The following RBM45 variants were observed in gnomAD, a reference collection of about 807,000 sequenced individuals.
The protein encoded by RBM45 is RNA binding motif protein 45.
Under a neutral mutation model 58.5 loss-of-function variants are expected in RBM45, and 39 were observed. That is an observed-to-expected ratio of 0.67 (90% CI 0.52 to 0.87). The LOEUF is 0.87. RBM45 is among the 40% of genes least tolerant of loss of function. The pLI, the probability that RBM45 is intolerant of heterozygous loss-of-function variation, is 0.00. For missense variants in RBM45, 481 were observed against 581.6 expected (o/e 0.83, Z 1.78); for synonymous variants, 193 against 203.0 (o/e 0.95, Z 0.42).
At chr2:178,133,058 A>G (rs113698186), downstream of RBM45, among the ~76,000 whole-genome samples, 177 of 152,294 alleles carry the variant, frequency 1.2e-3, no homozygotes, top group African/African-American at 3.9e-3. Flanking sequence ...GAGATTTCAT[A>G]TGTTGGACCT....
intron 3 of RBM45, among the ~76,000 whole-genome samples, chr2:178,118,922 T>G (rs2087813604): frequency 6.6e-6 from 1 of 152,202 alleles, no homozygotes; most frequent in African/African-American, 2.4e-5. Context: ...AATTTCTCAT[T>G]TAGCTAGCAG....
Position 178,126,140 on chromosome 2 carries a change from A to G in RBM45, c.1389A>G (p.Pro463=). The change falls in exon 9 of 10, where the codon CCA becomes CCG. Residue 463 remains proline (P), a synonymous_variant. Coordinates refer to ENST00000286070, the MANE Select transcript of RBM45 (RefSeq NM_152945.4). The part of the protein sequence containing the change: ...VRLKVMLADS[P]REESNKRQRT... Reference sequence around the variant, plus strand: ...TTAAAGTTATGCTGGCAGATTCGCCAAGAGAAGAATCTAACAAACGGCAAA... The same window carrying G: ...TTAAAGTTATGCTGGCAGATTCGCCGAGAGAAGAATCTAACAAACGGCAAA... 1 of 1,614,090 alleles carries G rather than the reference A, an allele frequency of 6.2e-7. No homozygotes were observed. The highest frequency in any genetic ancestry group is 8.5e-7 in the Non-Finnish European group (1 of 1,179,974).
At position 178,116,389 on chromosome 2, in the gene RBM45, T is replaced by C. The variant is rs925877386; in HGVS notation, c.423+5T>C. 1 of 1,601,858 alleles carries C rather than the reference T, an allele frequency of 6.2e-7. No individual in the cohort carries two copies. The highest frequency in any genetic ancestry group is 8.5e-7 in the Non-Finnish European group (1 of 1,176,220). ...GATCTGCGGGAAAAATTTAAGGTAT[T>C]TATTCTAATCAGCTAGCATATGTGA... On this transcript the variant is annotated splice_donor_5th_base_variant and intron_variant, in intron 2 of 9. Transcript: ENST00000286070.
At chr2:178,123,442 A>C in intron 5 of RBM45, 80 bp from the exon 6 acceptor site, 1 of 1,423,490 alleles carries the variant, frequency 7.0e-7, no homozygotes, top group Non-Finnish European at 9.4e-7. Flanking sequence ...ACATGGTTTC[A>C]TTTTTGTGAT....
In RBM45 at chr2:178,124,209, C is replaced by A; in HGVS notation, c.1151C>A (p.Ala384Asp). 1 of 1,610,554 alleles carries A rather than the reference C, an allele frequency of 6.2e-7. No individual in the cohort carries two copies. The highest frequency in any genetic ancestry group is 2.2e-5 in the East Asian group (1 of 44,826). Reference sequence around the variant, plus strand: ...CCATCATGCAAAAAAAAAGCTCCTGCTGAAACTCCTGTGAAAGAAAGACTT... The same window carrying A: ...CCATCATGCAAAAAAAAAGCTCCTGATGAAACTCCTGTGAAAGAAAGACTT... Reference protein sequence around the residue: ...VLPSCKKKAPAETPVKERLFI... With the variant: ...VLPSCKKKAPDETPVKERLFI... Residue 384 changes from alanine (A) to aspartate (D), a missense_variant, in exon 8 of 10, where the codon GCT (alanine) becomes GAT (aspartate). By Grantham distance (126) the Ala-to-Asp change is moderately radical. Coordinates refer to ENST00000286070, the MANE Select transcript of RBM45 (RefSeq NM_152945.4).
intron 9 of RBM45, among the ~76,000 whole-genome samples, chr2:178,127,431 A>G (rs1283763896): frequency 6.6e-6 from 1 of 152,216 alleles, no homozygotes; most frequent in African/African-American, 2.4e-5. Flanking sequence ...GCTAGCACGT[A>G]TGAGAATGAT....
Position 178,125,989 on chromosome 2 carries a change from T to C in RBM45, c.1238T>C (p.Phe413Ser), listed in dbSNP as rs2087924013. 1.2e-6 allele frequency: 2 copies of C among 1,611,770 alleles called. No homozygotes were observed. Among genetic ancestry groups the C allele is most frequent in the Admixed American group, 1.7e-5 (1 of 59,638 alleles). The stretch of plus-strand genomic sequence containing the variant: ...TTTTTTTCACTTTGTTTCAGTCGTT[T>C]TGGTAACCTGATCGAAGTTTACCTT... ...LDVLEDIFCR[F>S]GNLIEVYLVS... The change falls in exon 9 of 10, where the codon TTT becomes TCT. Residue 413 changes from phenylalanine to serine, a missense_variant. Phe to Ser is a radical substitution (Grantham distance 155, BLOSUM62 -2). Transcript: ENST00000286070.
intron 9 of RBM45, among the ~76,000 whole-genome samples, chr2:178,126,470 T>A (rs1177967902): frequency 1.3e-5 from 2 of 151,924 alleles, no homozygotes; most frequent in Non-Finnish European, 2.9e-5. Flanking sequence ...ATATAAACTT[T>A]TAAGTTGTCC....
chr2:178,113,152 TC>T (rs746398263), intron 1 of RBM45, among the ~76,000 whole-genome samples: 1 of 152,206 alleles, frequency 6.6e-6, no homozygotes, highest in Non-Finnish European at 1.5e-5. Context: ...CCCTCACTAA[TC>T]CACCAGCTCT....
At position 178,112,485 on chromosome 2, in the gene RBM45, C is replaced by T. The variant is rs1225176247; in HGVS notation, c.-62C>T. The T allele has an allele frequency of 2.1e-6, 3 of 1,462,722 alleles. No homozygotes were observed. Among genetic ancestry groups the T allele is most frequent in the Non-Finnish European group, 1.9e-6 (2 of 1,062,956 alleles). The allele number at this position is 1,462,722 out of a possible 1,614,324, so 90.6% of individuals were successfully genotyped here. A position where few individuals can be genotyped will look rare whatever the true frequency, so the allele number is the denominator to read the frequency against. On this transcript the variant is annotated 5_prime_UTR_variant, in exon 1 of 10. Transcript: ENST00000286070. ...CGGCAAAGGCTTGGGTGTGAGACAG[C>T]AGCGGTGGCAGACACCGCAGAAGCA...
chr2:178,130,244 G>T (rs931658646), downstream of RBM45, among the ~76,000 whole-genome samples: 1 of 152,160 alleles, frequency 6.6e-6, no homozygotes, highest in African/African-American at 2.4e-5. Flanking sequence ...AGGGCCAGGG[G>T]TGGTTGCTCA....
In RBM45 at chr2:178,112,725, AG is replaced by A; in HGVS notation, c.180del (p.Lys60AsnfsTer67). The A allele has an allele frequency of 6.2e-7, 1 of 1,614,180 alleles. No homozygotes were observed. The highest frequency in any genetic ancestry group is 8.5e-7 in the Non-Finnish European group (1 of 1,180,036). On this transcript the variant is annotated frameshift_variant, in exon 1 of 10. Coordinates refer to ENST00000286070, the MANE Select transcript of RBM45 (RefSeq NM_152945.4). LOFTEE classifies it high-confidence loss of function. ...DIQDIWVVRD[K>X]HTKESKGIAF... ...CAGGACATCTGGGTGGTGCGGGACA[AG>A]CACACCAAGGAGTCCAAGGGCATTG...
chr2:178,125,237 A>G (rs1029387185), intron 8 of RBM45, among the ~76,000 whole-genome samples: 9 of 152,230 alleles, frequency 5.9e-5, no homozygotes, highest in Non-Finnish European at 1.2e-4. Context: ...GCTAAGTACA[A>G]GAGACATGTA....
chr2:178,115,829 A>G (rs2087765931), intron 1 of RBM45, among the ~76,000 whole-genome samples: 1 of 152,204 alleles, frequency 6.6e-6, no homozygotes, highest in African/African-American at 2.4e-5. Flanking sequence ...GGAAAAACAC[A>G]ATGCAGAGAT....
chr2:178,125,963 A>ATT (rs751153281), intron 8 of RBM45, 21 bp from the exon 9 acceptor site: 32 of 1,605,312 alleles, frequency 2.0e-5, no homozygotes, highest in Non-Finnish European at 9.4e-6. Context: ...TTGGTTGATT[A>ATT]TTTTTTTCAC....
At chr2:178,114,844 G>C (rs190120256) in intron 1 of RBM45, among the ~76,000 whole-genome samples, 1 of 151,998 alleles carries the variant, frequency 6.6e-6, no homozygotes, top group Non-Finnish European at 1.5e-5. Flanking sequence ...TGAGCCTCCC[G>C]TTTCATCCTC....
intron 1 of RBM45, 148 bp from the exon 2 acceptor site, chr2:178,116,114 T>G: frequency 1.1e-6 from 1 of 949,212 alleles, no homozygotes. Flanking sequence ...ATCACACCAC[T>G]GCACTGCAGC....
chr2:178,132,090 C>A (rs2088010533), downstream of RBM45, among the ~76,000 whole-genome samples: 1 of 152,068 alleles, frequency 6.6e-6, no homozygotes, highest in South Asian at 2.1e-4. Context: ...AGCAATACAT[C>A]TCAATAAACC....
chr2:178,130,608 G>A (rs974040826), downstream of RBM45, among the ~76,000 whole-genome samples: 1 of 152,056 alleles, frequency 6.6e-6, no homozygotes, highest in Non-Finnish European at 1.5e-5. Context: ...AAAATTATTA[G>A]CTATGACATT....
Sources: gnomAD v4.1 joint callset for allele counts (sites outside exome capture counted in the v4.1 genomes callset) on GRCh38, gnomAD v4.1.1 for gene constraint, MANE v1.5 for transcripts, NCBI Gene and HGNC (gene_info 2026-07-23, HGNC 2026-07-21) for gene names.